PRUNE2: variants seen among roughly 807,000 people sequenced by gnomAD.
PRUNE2 encodes the protein prune homolog 2 with BCH domain.
In PRUNE2, 164 loss-of-function variants were observed where a neutral mutation model predicts 252.0. That is an observed-to-expected ratio of 0.65 (90% CI 0.57 to 0.74). The LOEUF is 0.74. Ranked by LOEUF, PRUNE2 falls within the 30% of genes least tolerant of loss-of-function variation. PRUNE2 has a pLI of 0.00. For missense variants in PRUNE2, 3,495 were observed against 3,711.0 expected (o/e 0.94, Z 1.51); for synonymous variants, 1,292 against 1,350.2 (o/e 0.96, Z 0.94).
chr9:76,808,168 C>T (rs1175149747), intron 6 of PRUNE2, among the ~76,000 whole-genome samples: 2 of 79,136 alleles, frequency 2.5e-5, no homozygotes, highest in Non-Finnish European at 5.4e-5. Flanking sequence ...ACAGAGTAAG[C>T]GAAACTCTGT....
In PRUNE2 at chr9:76,754,536, C is replaced by T. The variant is rs114395241; in HGVS notation, c.757-40815G>A. On this transcript the variant is annotated intron_variant, in intron 6 of 18. Coordinates refer to ENST00000376718, the MANE Select transcript of PRUNE2 (RefSeq NM_015225.3). ...AATTCAACTCCTTGCTGAGTTTTACCGGCCAAACACTTCCTGTCTTTCTTT... is the reference window on the plus strand; with the variant it reads ...AATTCAACTCCTTGCTGAGTTTTACTGGCCAAACACTTCCTGTCTTTCTTT... 4.3e-3 allele frequency among the ~76,000 whole-genome samples: 653 copies of T among 152,302 alleles called. 2 individuals carry two copies. The highest frequency in any genetic ancestry group is 0.015 in the African/African-American group (616 of 41,554).
intron 1 of PRUNE2, among the ~76,000 whole-genome samples, chr9:76,876,866 G>C (rs542348616): frequency 9.9e-5 from 15 of 152,146 alleles, no homozygotes; most frequent in Non-Finnish European, 1.8e-4. Flanking sequence ...TGCATTACAT[G>C]AGATATTTTT....
chr9:76,642,555 G>A (rs958332212), intron 12 of PRUNE2, among the ~76,000 whole-genome samples: 3 of 152,164 alleles, frequency 2.0e-5, no homozygotes, highest in African/African-American at 7.2e-5. Context: ...CTTCTCTACT[G>A]GCCCGAATGA....
rs563498622 is a variant in PRUNE2 at position 76,705,362 on chromosome 9, G to A, written c.6912C>T (p.Ser2304=). 3.2e-5 allele frequency: 52 copies of A among 1,613,952 alleles called. No homozygotes were observed. The East Asian group carries it at 3.8e-4, about 12-fold the overall frequency. The change falls in exon 8 of 19, where the codon AGC becomes AGT. Residue 2304 remains serine (S), a synonymous_variant. Coordinates refer to ENST00000376718, the MANE Select transcript of PRUNE2 (RefSeq NM_015225.3). ...TGGATGTGTTGAGACCTGAGGCATCGCTGAAACTGTGGTCAAAGGCAGCTT... is the reference window on the plus strand; with the variant it reads ...TGGATGTGTTGAGACCTGAGGCATCACTGAAACTGTGGTCAAAGGCAGCTT... ...ISEAAFDHSF[S]DASGLNTSTG...
chr9:76,755,329 A>C (rs961062836), intron 6 of PRUNE2, among the ~76,000 whole-genome samples: 10 of 152,338 alleles, frequency 6.6e-5, no homozygotes, highest in Non-Finnish European at 1.0e-4. Context: ...GAAATAAACA[A>C]ATGAGTAAAC....
At chr9:76,798,566 CT>C (rs1369460493) in intron 6 of PRUNE2, among the ~76,000 whole-genome samples, 1 of 152,136 alleles carries the variant, frequency 6.6e-6, no homozygotes, top group East Asian at 1.9e-4. Flanking sequence ...TCCTTGGCTA[CT>C]GTGTATAGTG....
chr9:76,792,782 C>T (rs901194961), intron 6 of PRUNE2, among the ~76,000 whole-genome samples: 2 of 151,976 alleles, frequency 1.3e-5, no homozygotes, highest in African/African-American at 4.8e-5. Context: ...TTACTATTTG[C>T]CAATAATAGC....
chr9:76,846,955 C>A (rs889547460), intron 3 of PRUNE2, among the ~76,000 whole-genome samples: 18 of 152,304 alleles, frequency 1.2e-4, no homozygotes, highest in African/African-American at 4.3e-4. Context: ...CACTATTGGG[C>A]TTCCACCACA....
chr9:76,783,419 G>A (rs912848970), intron 6 of PRUNE2, among the ~76,000 whole-genome samples: 4 of 152,158 alleles, frequency 2.6e-5, no homozygotes, highest in African/African-American at 9.7e-5. Flanking sequence ...TTACAGGTGT[G>A]AGCCACTGCT....
Position 76,708,913 on chromosome 9 carries a change from C to CCAAAATCACTCTGTTCCA in PRUNE2, c.3343_3360dup (p.Trp1115_Leu1120dup), listed in dbSNP as rs2046503076. Reference sequence around the variant, plus strand: ...ATCGTTGCAGTGGACTGAGTATCCTCCAAAATCACTCTGTTCCACAAGTCG... The same window carrying CCAAAATCACTCTGTTCCA: ...ATCGTTGCAGTGGACTGAGTATCCTCCAAAATCACTCTGTTCCACAAAATCACTCTGTTCCACAAGTCG... On this transcript the variant is annotated inframe_insertion, in exon 8 of 19. Transcript: ENST00000376718. 3.1e-6 allele frequency: 5 copies of CCAAAATCACTCTGTTCCA among 1,613,880 alleles called. No homozygotes were observed. Among genetic ancestry groups the CCAAAATCACTCTGTTCCA allele is most frequent in the Non-Finnish European group, 4.2e-6 (5 of 1,179,894 alleles).
At chr9:76,871,834 G>A (rs2061217861) in intron 1 of PRUNE2, among the ~76,000 whole-genome samples, 1 of 152,038 alleles carries the variant, frequency 6.6e-6, no homozygotes. Context: ...TCACCATGTT[G>A]CCCAGACTGG....
chr9:76,767,577 G>T (rs967524599), intron 6 of PRUNE2, among the ~76,000 whole-genome samples: 1 of 152,072 alleles, frequency 6.6e-6, no homozygotes, highest in South Asian at 2.1e-4. Context: ...CAGAACCTTC[G>T]CTTCTGTGAC....
chr9:76,811,800 C>T (rs2057373328), intron 6 of PRUNE2, among the ~76,000 whole-genome samples: 1 of 152,034 alleles, frequency 6.6e-6, no homozygotes, highest in South Asian at 2.1e-4. Flanking sequence ...CCAGAAATAC[C>T]CAATTTAAAG....
chr9:76,665,597 A>G (rs1490079614), intron 9 of PRUNE2, among the ~76,000 whole-genome samples: 3 of 152,204 alleles, frequency 2.0e-5, no homozygotes, highest in Non-Finnish European at 4.4e-5. Context: ...AAGCACACCC[A>G]GTGCTTAGCA....
chr9:76,637,357 G>A, intron 14 of PRUNE2, 61 bp downstream of exon 14: 3 of 1,499,572 alleles, frequency 2.0e-6, no homozygotes, highest in Non-Finnish European at 2.8e-6. Flanking sequence ...TATACCATGT[G>A]GTTGTTTAGT....
intron 6 of PRUNE2, among the ~76,000 whole-genome samples, chr9:76,777,626 T>C (rs575981605): frequency 6.6e-6 from 1 of 152,332 alleles, no homozygotes; most frequent in East Asian, 1.9e-4. Context: ...CAAAAATCCC[T>C]ACCCTCGTGA....
chr9:76,664,574 G>A (rs147754924), intron 9 of PRUNE2, among the ~76,000 whole-genome samples: 237 of 152,258 alleles, frequency 1.6e-3, no homozygotes, highest in Non-Finnish European at 2.6e-3. Context: ...AGGCTGGAGC[G>A]CAATGGAGCG....
chr9:76,769,184 G>T (rs910571722), intron 6 of PRUNE2, among the ~76,000 whole-genome samples: 5 of 152,088 alleles, frequency 3.3e-5, no homozygotes, highest in Admixed American at 1.3e-4. Context: ...ATTATACTCT[G>T]GTTTCTCTTC....
intron 1 of PRUNE2, among the ~76,000 whole-genome samples, chr9:76,879,878 C>CATATATATATATATATATAT (rs1391636538): frequency 3.8e-4 from 29 of 75,368 alleles, no homozygotes; most frequent in African/African-American, 1.9e-3. Flanking sequence ...AGAGGCCTGT[C>CATATATATATATATATATAT]ATATATATAT....
Sources: allele counts gnomAD v4.1 joint callset (sites outside exome capture counted in the v4.1 genomes callset), GRCh38; gene constraint gnomAD v4.1.1; transcripts MANE v1.5; gene names NCBI Gene and HGNC (gene_info 2026-07-23, HGNC 2026-07-21).